The following PRDM5 variants were observed in gnomAD, a reference collection of about 807,000 sequenced individuals.
The protein encoded by PRDM5 is PR domain zinc finger protein 5.
Under a neutral mutation model 81.2 loss-of-function variants are expected in PRDM5, and 56 were observed. The ratio of observed to expected loss-of-function variants is 0.69; its 90% CI spans 0.56 to 0.86. The LOEUF (loss-of-function observed/expected upper bound fraction) is 0.86. Ranked by LOEUF, PRDM5 falls within the 40% of genes least tolerant of loss-of-function variation. The pLI, the probability that PRDM5 is intolerant of heterozygous loss-of-function variation, is 0.00. For missense variants in PRDM5, 697 were observed against 770.1 expected (o/e 0.91, Z 1.12); for synonymous variants, 267 against 256.4 (o/e 1.04, Z -0.39).
intron 14 of PRDM5, among the ~76,000 whole-genome samples, chr4:120,750,758 C>T (rs1437229797): frequency 2.6e-5 from 4 of 151,906 alleles, no homozygotes; most frequent in African/African-American, 9.7e-5. Flanking sequence ...AATTATGTTA[C>T]ACTTGAAAAG....
chr4:120,702,524 T>C (rs567913668), intron 15 of PRDM5, among the ~76,000 whole-genome samples: 1 of 152,310 alleles, frequency 6.6e-6, no homozygotes, highest in South Asian at 2.1e-4. Context: ...TTTTTTTATG[T>C]CTGTCTCCTT....
chr4:120,790,126 A>C (rs1041863714), intron 10 of PRDM5, among the ~76,000 whole-genome samples: 3 of 152,222 alleles, frequency 2.0e-5, no homozygotes, highest in African/African-American at 7.2e-5. Context: ...CATGTCTCTA[A>C]TTAAGGACGC....
intron 13 of PRDM5, among the ~76,000 whole-genome samples, chr4:120,763,852 A>G (rs1171163046): frequency 6.6e-6 from 1 of 152,082 alleles, no homozygotes; most frequent in Non-Finnish European, 1.5e-5. Context: ...CCAGCAAGGA[A>G]GTATCAAGAG....
At chr4:120,898,017 G>A (rs1184134373) in intron 2 of PRDM5, among the ~76,000 whole-genome samples, 2 of 152,052 alleles carry the variant, frequency 1.3e-5, no homozygotes, top group Admixed American at 6.6e-5. Context: ...ATAAAATGCT[G>A]GATATTTTAT....
intron 15 of PRDM5, among the ~76,000 whole-genome samples, chr4:120,699,943 C>CAAAATAAATAAA (rs1413692473): frequency 1.5e-5 from 1 of 66,924 alleles, no homozygotes; most frequent in African/African-American, 5.1e-5. Flanking sequence ...TATATAGAAC[C>CAAAATAAATAAA]AAAATAAATA....
At chr4:120,727,210 G>A (rs962035331) in intron 14 of PRDM5, among the ~76,000 whole-genome samples, 1 of 152,152 alleles carries the variant, frequency 6.6e-6, no homozygotes, top group Non-Finnish European at 1.5e-5. Flanking sequence ...CACTGGCACA[G>A]TGAACATTTG....
chr4:120,883,888 T>A (rs373260978), intron 2 of PRDM5, among the ~76,000 whole-genome samples: 37 of 152,326 alleles, frequency 2.4e-4, no homozygotes, highest in African/African-American at 8.4e-4. Context: ...GGGCTTCTTT[T>A]TGGAGTGATG....
At chr4:120,760,263 G>A (rs1001475216) in intron 13 of PRDM5, among the ~76,000 whole-genome samples, 3 of 152,072 alleles carry the variant, frequency 2.0e-5, no homozygotes, top group Non-Finnish European at 4.4e-5. Context: ...CATTCTTTTG[G>A]TTATCAACGC....
Position 120,799,772 on chromosome 4 carries a change from A to G in PRDM5, c.946-27T>C. 3 of 1,606,688 alleles carry G rather than the reference A, an allele frequency of 1.9e-6. 1 individual carries two copies. Among genetic ancestry groups the G allele is most frequent in the Non-Finnish European group, 2.6e-6 (3 of 1,175,776 alleles). On this transcript the variant is annotated intron_variant, in intron 8 of 15. Coordinates refer to ENST00000264808, the MANE Select transcript of PRDM5 (RefSeq NM_018699.4). ...TGCAAAAGGTTAAATAGACAGTTAAATCAACTGTCAAAGCCTAGTAAATTA... is the reference window on the plus strand; with the variant it reads ...TGCAAAAGGTTAAATAGACAGTTAAGTCAACTGTCAAAGCCTAGTAAATTA...
chr4:120,844,185 T>A (rs1302809877), intron 3 of PRDM5, among the ~76,000 whole-genome samples: 1 of 151,970 alleles, frequency 6.6e-6, no homozygotes, highest in Non-Finnish European at 1.5e-5. Flanking sequence ...TTATAAGAAA[T>A]AAAACAGATT....
intron 14 of PRDM5, among the ~76,000 whole-genome samples, chr4:120,728,538 A>T (rs984230478): frequency 6.6e-6 from 1 of 152,060 alleles, no homozygotes; most frequent in Non-Finnish European, 1.5e-5. Flanking sequence ...TCATAAAAAG[A>T]CTCGTCAATT....
chr4:120,780,321 C>A (rs1748855411), intron 12 of PRDM5, among the ~76,000 whole-genome samples: 1 of 151,974 alleles, frequency 6.6e-6, no homozygotes, highest in African/African-American at 2.4e-5. Flanking sequence ...TGAGACATGA[C>A]TAGTCTCAGC....
intron 13 of PRDM5, among the ~76,000 whole-genome samples, chr4:120,760,023 G>A (rs746780492): frequency 4.6e-5 from 7 of 152,294 alleles, no homozygotes; most frequent in East Asian, 3.9e-4. Context: ...GTTTACAAAT[G>A]AGGAAAGTAA....
intron 14 of PRDM5, among the ~76,000 whole-genome samples, chr4:120,725,274 G>GTT (rs34278955): frequency 1.2e-4 from 18 of 145,120 alleles, no homozygotes; most frequent in Admixed American, 1.4e-4. Flanking sequence ...ATATACAGTT[G>GTT]TTTTTTTTTT....
intron 2 of PRDM5, chr4:120,895,586 T>C (rs1764525017): frequency 6.6e-6 from 1 of 152,432 alleles, no homozygotes; most frequent in Admixed American, 6.5e-5. Flanking sequence ...CATCAAAATA[T>C]GTTTCAAGTC....
intron 2 of PRDM5, among the ~76,000 whole-genome samples, chr4:120,890,554 A>G (rs1028064579): frequency 4.6e-5 from 7 of 152,262 alleles, no homozygotes; most frequent in African/African-American, 1.7e-4. Flanking sequence ...ACTGGTTTCC[A>G]CAATGGCTGA....
At chr4:120,816,695 A>G in intron 6 of PRDM5, 121 bp from the exon 7 acceptor site, 2 of 1,516,008 alleles carry the variant, frequency 1.3e-6, no homozygotes, top group Admixed American at 1.7e-5. Context: ...CATTCCATGC[A>G]TTACCTATGC....
intron 14 of PRDM5, 23 bp downstream of exon 14, chr4:120,754,530 A>T (rs895546546): frequency 6.8e-7 from 1 of 1,469,228 alleles, no homozygotes; most frequent in African/African-American, 1.4e-5. Context: ...GATCAATATT[A>T]ATGAAACAGA....
chr4:120,759,559 A>T (rs1194021854), intron 13 of PRDM5, among the ~76,000 whole-genome samples: 1 of 152,246 alleles, frequency 6.6e-6, no homozygotes, highest in East Asian at 1.9e-4. Flanking sequence ...CACATTATGC[A>T]TATGATATTT....
Sources: gnomAD v4.1 joint callset for allele counts (sites outside exome capture counted in the v4.1 genomes callset) on GRCh38, gnomAD v4.1.1 for gene constraint, MANE v1.5 for transcripts, NCBI Gene and HGNC (gene_info 2026-07-23, HGNC 2026-07-21) for gene names.